Variants in OTOA observed in about 807,000 individuals in gnomAD.
The protein encoded by OTOA is cancer/testis antigen 108.
In OTOA, 70 loss-of-function variants were observed where a neutral mutation model predicts 110.8. That is an observed-to-expected ratio of 0.63 (90% CI 0.52 to 0.77). The LOEUF (loss-of-function observed/expected upper bound fraction) is 0.77, where lower values mean the gene tolerates loss of function less well. Ranked by LOEUF, OTOA falls within the 30% of genes least tolerant of loss-of-function variation. The pLI is 0.00. For synonymous variants in OTOA, 373 were observed against 431.5 expected (o/e 0.86, Z 1.68); for missense variants, 917 against 1,075.8 (o/e 0.85, Z 2.06).
chr16:21,719,797 T>C (rs1898673177), intron 17 of OTOA, among the ~76,000 whole-genome samples: 1 of 152,206 alleles, frequency 6.6e-6, no homozygotes, highest in African/African-American at 2.4e-5. Context: ...TCCCGTGGGA[T>C]GGAAGGTACT....
intron 12 of OTOA, among the ~76,000 whole-genome samples, chr16:21,709,327 T>C (rs536284161): frequency 6.6e-6 from 1 of 151,960 alleles, no homozygotes; most frequent in African/African-American, 2.4e-5. Context: ...CTCAGAAGAC[T>C]GAGGCAGGAG....
chr16:21,726,349 G>A (rs563676297), intron 18 of OTOA, among the ~76,000 whole-genome samples, 174 bp from the exon 19 acceptor site: 1 of 152,226 alleles, frequency 6.6e-6, no homozygotes, highest in South Asian at 2.1e-4. Context: ...CATAGAAGAG[G>A]AGCATGATGG....
At chr16:21,685,408 G>A (rs1327896625) in intron 7 of OTOA, 47 bp downstream of exon 7, 3 of 1,600,772 alleles carry the variant, frequency 1.9e-6, no homozygotes, top group African/African-American at 1.3e-5. Flanking sequence ...CCAGCACCAC[G>A]TGGTGTTTGT....
chr16:21,749,686 C>A (rs1232288821), intron 24 of OTOA, among the ~76,000 whole-genome samples: 1 of 111,784 alleles, frequency 8.9e-6, no homozygotes, highest in Non-Finnish European at 1.7e-5. Context: ...ACTGAAGGAA[C>A]CAGACTTTAT....
intron 12 of OTOA, among the ~76,000 whole-genome samples, chr16:21,706,832 T>TC (rs1305756116): frequency 6.6e-6 from 1 of 150,510 alleles, no homozygotes; most frequent in East Asian, 1.9e-4. Context: ...TCTTTTTTTT[T>TC]TTTTTTATAA....
At chr16:21,678,361 A>G in intron 1 of OTOA, 150 bp from the exon 2 acceptor site, 1 of 506,166 alleles carries the variant, frequency 2.0e-6, no homozygotes, top group Non-Finnish European at 3.3e-6. Flanking sequence ...AAAGACTTCA[A>G]GGGATTCTGG....
intron 6 of OTOA, 84 bp from the exon 7 acceptor site, chr16:21,685,146 C>T (rs1897686857): frequency 2.6e-6 from 4 of 1,560,732 alleles, no homozygotes; most frequent in Non-Finnish European, 3.5e-6. Flanking sequence ...AATGAGGGGG[C>T]CGGGCTGGGC....
At chr16:21,698,743 G>A (rs899547218) in intron 10 of OTOA, among the ~76,000 whole-genome samples, 2 of 151,968 alleles carry the variant, frequency 1.3e-5, no homozygotes, top group African/African-American at 4.8e-5. Context: ...TTTATAACCC[G>A]CAGTCCTAGA....
intron 24 of OTOA, 99 bp from the exon 25 acceptor site, chr16:21,751,836 A>T: frequency 4.0e-6 from 1 of 250,852 alleles, no homozygotes; most frequent in Non-Finnish European, 7.9e-6. Context: ...AGGATGGGAG[A>T]TCAGTCAGGA....
Position 21,707,621 on chromosome 16 carries a change from CTT to C in OTOA, c.1105-2265_1105-2264del, listed in dbSNP as rs1205658219. 1.2e-4 allele frequency among the ~76,000 whole-genome samples: 11 copies of C among 91,886 alleles called. 1 individual carries two copies. Among genetic ancestry groups the C allele is most frequent in the Admixed American group, 2.6e-4 (2 of 7,582 alleles). The allele number at this position is 91,886 out of a possible 152,430, so 60.3% of individuals were successfully genotyped here. A position where few individuals can be genotyped will look rare whatever the true frequency, so the allele number is the denominator to read the frequency against. On this transcript the variant is annotated intron_variant, in intron 12 of 28. Coordinates refer to ENST00000646100, the MANE Select transcript of OTOA (RefSeq NM_144672.4). Reference sequence around the variant, plus strand: ...TCTTTCTTTCTTTCTTTCTTTCTTTCTTTCTTTCTTTCTTTCTTTCTTTCTTT... The same window carrying C: ...TCTTTCTTTCTTTCTTTCTTTCTTTCTCTTTCTTTCTTTCTTTCTTTCTTT...
At chr16:21,731,514 A>G (rs1425782706) in intron 21 of OTOA, among the ~76,000 whole-genome samples, 3 of 152,234 alleles carry the variant, frequency 2.0e-5, no homozygotes. Context: ...TCGCTGGGGC[A>G]GCCCTGCTCT....
intron 21 of OTOA, among the ~76,000 whole-genome samples, chr16:21,734,060 A>G (rs1446464468): frequency 6.6e-6 from 1 of 151,524 alleles, no homozygotes; most frequent in African/African-American, 2.4e-5. Context: ...TGGGCCTCCC[A>G]AGTGCTAGGA....
intron 1 of OTOA, among the ~76,000 whole-genome samples, chr16:21,674,187 T>C (rs544923898): frequency 6.6e-6 from 1 of 152,316 alleles, no homozygotes; most frequent in Admixed American, 6.5e-5. Flanking sequence ...TAAGTACACA[T>C]TTAATTTTAT....
chr16:21,674,765 A>T (rs183019006), intron 1 of OTOA, among the ~76,000 whole-genome samples: 1 of 151,438 alleles, frequency 6.6e-6, no homozygotes, highest in Non-Finnish European at 1.5e-5. Context: ...ATCTGTATAT[A>T]TACTTTGATG....
chr16:21,688,158 G>A (rs1338618305), intron 8 of OTOA, among the ~76,000 whole-genome samples: 1 of 152,092 alleles, frequency 6.6e-6, no homozygotes, highest in Non-Finnish European at 1.5e-5. Flanking sequence ...GGGAAGCAGA[G>A]GTGGGTGGAT....
intron 17 of OTOA, among the ~76,000 whole-genome samples, chr16:21,722,412 G>A (rs201896625): frequency 0.18 from 17,371 of 99,034 alleles, 1,476 homozygotes; most frequent in South Asian, 0.31. Flanking sequence ...ATAACTATAT[G>A]TATAGTTAAG....
At chr16:21,677,460 A>G (rs1044899454) in intron 1 of OTOA, among the ~76,000 whole-genome samples, 3 of 141,316 alleles carry the variant, frequency 2.1e-5, no homozygotes, top group African/African-American at 7.9e-5. Flanking sequence ...ATCTGTTTTT[A>G]TGAAGTTTAG....
chr16:21,679,258 T>G (rs772527280), intron 5 of OTOA, 47 bp downstream of exon 5: 1 of 1,578,946 alleles, frequency 6.3e-7, no homozygotes, highest in Non-Finnish European at 8.7e-7. Flanking sequence ...AGATTTTTAA[T>G]AAAAATTCTT....
At chr16:21,695,881 ATATATATATATTTT>A (rs1324703398) in intron 9 of OTOA, among the ~76,000 whole-genome samples, 1 of 40,636 alleles carries the variant, frequency 2.5e-5, no homozygotes, top group African/African-American at 1.3e-4. Context: ...ATATATATAT[ATATATATATATTTT>A]TTTTTTTTTT....
Sources: allele counts gnomAD v4.1 joint callset (sites outside exome capture counted in the v4.1 genomes callset), GRCh38; gene constraint gnomAD v4.1.1; transcripts MANE v1.5; gene names NCBI Gene and HGNC (gene_info 2026-07-23, HGNC 2026-07-21).